CCDC171: variants seen among roughly 807,000 people sequenced by gnomAD.
CCDC171 encodes coiled-coil domain containing 171, also known as coiled-coil domain-containing protein 171.
A neutral mutation model predicts 168.2 loss-of-function variants in CCDC171; 177 were observed. The ratio of observed to expected loss-of-function variants is 1.05; its 90% CI spans 0.93 to 1.19. CCDC171 has a LOEUF of 1.19. CCDC171 is among the 50% of genes most tolerant of loss of function. The pLI is 0.00. For synonymous variants in CCDC171, 687 were observed against 540.8 expected (o/e 1.27, Z -3.75); for missense variants, 1,991 against 1,539.0 (o/e 1.29, Z -4.91).
At chr9:15,575,830 G>A (rs1047366920) in intron 3 of CCDC171, among the ~76,000 whole-genome samples, 9 of 152,210 alleles carry the variant, frequency 5.9e-5, no homozygotes, top group East Asian at 5.8e-4. Context: ...CATGGCTCAC[G>A]CCTGTAATCC....
In CCDC171 at chr9:15,984,405, T is replaced by A. The variant is rs1032063520; in HGVS notation, n.369-36184T>A. On this transcript the variant is annotated intron_variant and non_coding_transcript_variant, in intron 3 of 9. Transcript: ENST00000486641. Reference sequence around the variant, plus strand: ...TGGAAAGCATTTGACCATGTATATATATGAGTGTGTGTGTACATATATATG... The same window carrying A: ...TGGAAAGCATTTGACCATGTATATAAATGAGTGTGTGTGTACATATATATG... Among the ~76,000 whole-genome samples, 108 of 146,136 alleles carry A rather than the reference T, an allele frequency of 7.4e-4. 1 individual carries two copies. The highest frequency in any genetic ancestry group is 2.6e-3 in the African/African-American group (99 of 38,678).
intron 24 of CCDC171, among the ~76,000 whole-genome samples, chr9:15,884,092 G>A (rs1341534131): frequency 6.6e-6 from 1 of 152,112 alleles, no homozygotes; most frequent in Non-Finnish European, 1.5e-5. Flanking sequence ...TGTGAAGGAT[G>A]AGTATGTATT....
chr9:15,585,390 C>G (rs1321749066), intron 4 of CCDC171, among the ~76,000 whole-genome samples: 6 of 152,116 alleles, frequency 3.9e-5, no homozygotes, highest in African/African-American at 1.4e-4. Context: ...TAATGAAATG[C>G]TACTCAACAA....
chr9:15,970,509 A>G (rs1474736942), intron 25 of CCDC171, among the ~76,000 whole-genome samples: 1 of 152,110 alleles, frequency 6.6e-6, no homozygotes, highest in African/African-American at 2.4e-5. Flanking sequence ...AAATTATGTC[A>G]TACAATTGAT....
At chr9:15,753,720 G>C (rs753322686) in intron 18 of CCDC171, among the ~76,000 whole-genome samples, 26 of 152,114 alleles carry the variant, frequency 1.7e-4, no homozygotes, top group African/African-American at 3.4e-4. Context: ...GGAAATAGCA[G>C]GTTCAGGAAA....
At chr9:16,056,880 G>A (rs907562559) in intron 1 of CCDC171, among the ~76,000 whole-genome samples, 7 of 152,202 alleles carry the variant, frequency 4.6e-5, no homozygotes, top group African/African-American at 1.4e-4. Flanking sequence ...CATTTAAAAT[G>A]TGCTCAGTAT....
intron 25 of CCDC171, among the ~76,000 whole-genome samples, chr9:15,961,752 A>G (rs183206696): frequency 6.6e-6 from 1 of 152,264 alleles, no homozygotes; most frequent in African/African-American, 2.4e-5. Context: ...GTATAGTTTC[A>G]TTTTTTAATA....
chr9:15,886,690 A>G (rs891338264), intron 24 of CCDC171: 12 of 152,000 alleles, frequency 7.9e-5, no homozygotes, highest in Admixed American at 6.6e-5. Context: ...CATTATTCAC[A>G]ATAGCCAAGA....
intron 10 of CCDC171, among the ~76,000 whole-genome samples, chr9:15,685,826 A>G (rs910856093): frequency 6.6e-6 from 1 of 152,188 alleles, no homozygotes; most frequent in Non-Finnish European, 1.5e-5. Context: ...TCTACTGGCT[A>G]TATTATTTGT....
intron 25 of CCDC171, among the ~76,000 whole-genome samples, chr9:15,945,956 A>C (rs866371866): frequency 2.2e-4 from 33 of 151,206 alleles, no homozygotes; most frequent in Middle Eastern, 6.8e-3. Flanking sequence ...GTCCTTGCCC[A>C]TGCCTATGTC....
At chr9:16,079,181 G>A in the CCDC171 span, among the ~76,000 whole-genome samples, 1 of 152,170 alleles carries the variant, frequency 6.6e-6, no homozygotes, top group Non-Finnish European at 1.5e-5. Context: ...TGCATTGTAG[G>A]ACTACAACCA....
At position 15,560,100 on chromosome 9, in the gene CCDC171, C is replaced by T. The variant is rs546950905; in HGVS notation, c.-111-3878C>T. On this transcript the variant is annotated intron_variant, in intron 1 of 25. Coordinates refer to ENST00000380701, the MANE Select transcript of CCDC171 (RefSeq NM_173550.4). The stretch of plus-strand genomic sequence containing the variant: ...CTTGTAGAGTTTCTGCTGAGAGATC[C>T]GCTGTTAGTCTGATGGGCTTCCCTT... 1.3e-4 allele frequency among the ~76,000 whole-genome samples: 20 copies of T among 152,248 alleles called. 1 individual carries two copies. Among genetic ancestry groups the T allele is most frequent in the Middle Eastern group, 6.8e-3 (2 of 294 alleles).
intron 25 of CCDC171, among the ~76,000 whole-genome samples, chr9:15,937,845 C>G (rs1431141059): frequency 6.6e-6 from 1 of 151,880 alleles, no homozygotes; most frequent in Non-Finnish European, 1.5e-5. Flanking sequence ...GAGTATTTAA[C>G]TCTGTCACTG....
At chr9:15,593,949 G>T in intron 5 of CCDC171, 92 bp from the exon 6 acceptor site, 1 of 792,304 alleles carries the variant, frequency 1.3e-6, no homozygotes, top group Non-Finnish European at 2.1e-6. Context: ...ACATCTATAG[G>T]TAAGGAGAGC....
At chr9:15,754,174 A>G (rs1051792748) in intron 18 of CCDC171, among the ~76,000 whole-genome samples, 2 of 152,206 alleles carry the variant, frequency 1.3e-5, no homozygotes, top group South Asian at 2.1e-4. Flanking sequence ...AGTCATGTGG[A>G]GTTTCCAATT....
At chr9:16,048,148 C>T (rs754156255) in intron 1 of CCDC171, among the ~76,000 whole-genome samples, 1 of 152,236 alleles carries the variant, frequency 6.6e-6, no homozygotes, top group Non-Finnish European at 1.5e-5. Flanking sequence ...GCTTGAGCTG[C>T]GTCCTCTGTA....
intron 25 of CCDC171, among the ~76,000 whole-genome samples, chr9:15,961,856 C>T (rs532103969): frequency 4.0e-5 from 6 of 151,818 alleles, no homozygotes; most frequent in Non-Finnish European, 7.4e-5. Context: ...AGAAAAAAAC[C>T]CCAACAATTC....
At chr9:15,954,321 AT>A (rs1166506281) in intron 25 of CCDC171, among the ~76,000 whole-genome samples, 2 of 151,856 alleles carry the variant, frequency 1.3e-5, no homozygotes, top group Admixed American at 1.3e-4. Context: ...ATAGCTATAA[AT>A]TTCCCCCTTA....
intron 16 of CCDC171, among the ~76,000 whole-genome samples, chr9:15,739,357 A>G (rs1002986808): frequency 3.3e-5 from 5 of 152,204 alleles, no homozygotes; most frequent in Non-Finnish European, 7.4e-5. Flanking sequence ...CAGGTTGAGG[A>G]CAGTGGGAGA....
Sources: gnomAD v4.1 joint callset for allele counts (sites outside exome capture counted in the v4.1 genomes callset) on GRCh38, gnomAD v4.1.1 for gene constraint, MANE v1.5 for transcripts, NCBI Gene and HGNC (gene_info 2026-07-23, HGNC 2026-07-21) for gene names.